Variants in MAST2 observed in about 807,000 individuals in gnomAD.
MAST2 encodes the protein microtubule associated serine/threonine kinase 2, also known as microtubule-associated serine/threonine-protein kinase 2.
In MAST2, 70 loss-of-function variants were observed where a neutral mutation model predicts 147.4. The observed-to-expected ratio is 0.47, with a 90% CI of 0.39 to 0.58. The LOEUF (loss-of-function observed/expected upper bound fraction) is 0.58. Ranked by LOEUF, MAST2 falls within the 20% of genes least tolerant of loss-of-function variation. MAST2 has a pLI of 0.00. For missense variants in MAST2, 2,080 were observed against 2,302.3 expected (o/e 0.90, Z 1.98); for synonymous variants, 869 against 896.8 (o/e 0.97, Z 0.55).
chr1:46,033,555 G>A (rs1215708561), intron 26 of MAST2, among the ~76,000 whole-genome samples: 1 of 152,186 alleles, frequency 6.6e-6, no homozygotes, highest in Non-Finnish European at 1.5e-5. Context: ...CTGAGCTGTG[G>A]GTAGGGCTGC....
chr1:46,018,150 A>C (rs1464296067), intron 10 of MAST2, among the ~76,000 whole-genome samples: 1 of 152,062 alleles, frequency 6.6e-6, no homozygotes, highest in East Asian at 1.9e-4. Context: ...CCTCTTCACA[A>C]GTTCCTTTGC....
Position 46,034,611 on chromosome 1 carries a change from A to T in MAST2, c.3942A>T (p.Thr1314=), listed in dbSNP as rs139679191. The change falls in exon 29 of 29, where the codon ACA becomes ACT. Residue 1314 remains threonine (T), a synonymous_variant. Coordinates refer to ENST00000361297, the MANE Select transcript of MAST2 (RefSeq NM_015112.3). The stretch of plus-strand genomic sequence containing the variant: ...GTTCCCCAGCCGGCTCTGGGCACAC[A>T]CGGCCCAGCTCCCTCCACGGTCTGG... ...VPSSPAGSGH[T]RPSSLHGLAP... is the part of the protein sequence containing the mutation. The T allele has an allele frequency of 1.9e-6, 3 of 1,614,006 alleles. No homozygotes were observed. In the African/African-American group the frequency reaches 4.0e-5, roughly 22 times the overall value.
At chr1:45,985,262 T>G (rs1036954332) in intron 5 of MAST2, among the ~76,000 whole-genome samples, 5 of 143,348 alleles carry the variant, frequency 3.5e-5, no homozygotes, top group Non-Finnish European at 7.7e-5. Context: ...TGTGTGTGTG[T>G]TTTTTTTTTT....
At chr1:45,941,197 G>A (rs990538391) in intron 4 of MAST2, among the ~76,000 whole-genome samples, 3 of 152,134 alleles carry the variant, frequency 2.0e-5, no homozygotes, top group Non-Finnish European at 4.4e-5. Context: ...TTTCACACAT[G>A]TATTTGGTGA....
chr1:45,895,972 C>A (rs116229944), intron 4 of MAST2, among the ~76,000 whole-genome samples: 1 of 151,784 alleles, frequency 6.6e-6, no homozygotes, highest in Non-Finnish European at 1.5e-5. Context: ...TCAATAATTT[C>A]TTGTAAATTG....
intron 4 of MAST2, among the ~76,000 whole-genome samples, chr1:45,894,818 C>T (rs184581196): frequency 1.5e-3 from 235 of 152,214 alleles, no homozygotes; most frequent in Non-Finnish European, 2.0e-3. Context: ...ATAATGAGTA[C>T]TAAGATGTTA....
In MAST2 at chr1:46,034,980, A is replaced by AT; in HGVS notation, c.4311_4312insT (p.Lys1438Ter). The AT allele has an allele frequency of 5.0e-6, 8 of 1,614,054 alleles. No homozygotes were observed. The highest frequency in any genetic ancestry group is 6.8e-6 in the Non-Finnish European group (8 of 1,180,024). On this transcript the variant is annotated frameshift_variant, in exon 29 of 29. Transcript: ENST00000361297. LOFTEE classifies it low-confidence loss of function (END_TRUNC). ...GCCTTGACCTGCCCCACTCTGAACTAAAGAAGGAACTGCCGCCCAGGGAAG... is the reference window on the plus strand; with the variant it reads ...GCCTTGACCTGCCCCACTCTGAACTATAAGAAGGAACTGCCGCCCAGGGAAG...
At chr1:45,972,844 T>C (rs1397089525) in intron 5 of MAST2, among the ~76,000 whole-genome samples, 1 of 152,212 alleles carries the variant, frequency 6.6e-6, no homozygotes, top group Non-Finnish European at 1.5e-5. Flanking sequence ...TTCTTCTTCC[T>C]GTTCTAGTGG....
chr1:45,893,358 GC>G (rs1259493977), intron 4 of MAST2, among the ~76,000 whole-genome samples: 1 of 151,808 alleles, frequency 6.6e-6, no homozygotes, highest in Non-Finnish European at 1.5e-5. Context: ...GCATCACCAT[GC>G]CCAGCTTATT....
chr1:45,830,453 T>G (rs1210146191), intron 3 of MAST2, among the ~76,000 whole-genome samples: 1 of 152,092 alleles, frequency 6.6e-6, no homozygotes, highest in Non-Finnish European at 1.5e-5. Context: ...GATTACAGGC[T>G]TGAGCCACTG....
chr1:46,034,121 G>C lies in MAST2; in HGVS notation c.3723G>C (p.Leu1241=), dbSNP rs1217756273. The change falls in exon 28 of 29, where the codon CTG becomes CTC. Residue 1241 remains leucine, a synonymous_variant. Coordinates refer to ENST00000361297, the MANE Select transcript of MAST2 (RefSeq NM_015112.3). The stretch of plus-strand genomic sequence containing the variant: ...GCAAGATCACCAAGCAAGCATCCCT[G>C]CTCCACACCAGCCGCAGCCTTTCTT... ...LFRKITKQAS[L]LHTSRSLSSL... 1.2e-5 allele frequency: 19 copies of C among 1,613,994 alleles called. No homozygotes were observed. Among genetic ancestry groups the C allele is most frequent in the Non-Finnish European group, 1.6e-5 (19 of 1,180,006 alleles).
At chr1:46,005,449 C>T (rs971021911) in intron 7 of MAST2, among the ~76,000 whole-genome samples, 2 of 151,742 alleles carry the variant, frequency 1.3e-5, no homozygotes, top group African/African-American at 4.8e-5. Flanking sequence ...CTTTGTCAGT[C>T]TTGTCAGGTA....
intron 3 of MAST2, among the ~76,000 whole-genome samples, chr1:45,876,022 A>G (rs957775001): frequency 3.9e-5 from 6 of 152,178 alleles, no homozygotes; most frequent in African/African-American, 1.4e-4. Flanking sequence ...CGGGGATAAG[A>G]GGAAAAACAA....
intron 4 of MAST2, among the ~76,000 whole-genome samples, chr1:45,938,455 C>G (rs1250026506): frequency 1.3e-5 from 2 of 152,114 alleles, no homozygotes; most frequent in Non-Finnish European, 2.9e-5. Context: ...TCCCAAGTGA[C>G]TGGGACCACA....
At position 45,938,587 on chromosome 1, in the gene MAST2, A is replaced by G. The variant is rs888631408; in HGVS notation, c.501-20799A>G. Among the ~76,000 whole-genome samples the G allele has an allele frequency of 3.3e-5, 5 of 152,348 alleles. 1 individual carries two copies. ...AGTGATTCTCCTGTCTTGGCCTCCC[A>G]AAGTGCCAAGATTACAGGTGTCAGC... On this transcript the variant is annotated intron_variant, in intron 4 of 28. Transcript: ENST00000361297.
chr1:46,028,683 C>G, intron 17 of MAST2, 85 bp from the exon 18 acceptor site: 1 of 1,398,894 alleles, frequency 7.1e-7, no homozygotes, highest in Non-Finnish European at 1.0e-6. Flanking sequence ...TTCTTCTGCT[C>G]GAGATGGGAG....
At chr1:45,838,581 T>G (rs1645177188) in intron 3 of MAST2, among the ~76,000 whole-genome samples, 1 of 152,180 alleles carries the variant, frequency 6.6e-6, no homozygotes, top group Non-Finnish European at 1.5e-5. Context: ...TTTTGTCTAT[T>G]TAAAAAAAAA....
intron 3 of MAST2, among the ~76,000 whole-genome samples, chr1:45,873,305 A>G (rs1250246837): frequency 8.7e-5 from 13 of 150,240 alleles, no homozygotes; most frequent in Non-Finnish European, 3.0e-5. Context: ...CGATCCTCCC[A>G]CCTCGGTCCC....
intron 7 of MAST2, among the ~76,000 whole-genome samples, chr1:46,003,164 G>A (rs535710669): frequency 6.6e-6 from 1 of 152,246 alleles, no homozygotes; most frequent in South Asian, 2.1e-4. Flanking sequence ...CTTTGACAGT[G>A]AGACCAGATA....
Sources: gnomAD v4.1 joint callset for allele counts (sites outside exome capture counted in the v4.1 genomes callset) on GRCh38, gnomAD v4.1.1 for gene constraint, MANE v1.5 for transcripts, NCBI Gene and HGNC (gene_info 2026-07-23, HGNC 2026-07-21) for gene names.